MAML2: variants seen among roughly 807,000 people sequenced by gnomAD.
MAML2 encodes the protein mastermind like transcriptional coactivator 2, also known as mastermind-like protein 2.
MAML2 carries 22 observed loss-of-function variants against 96.1 expected under a neutral mutation model. The observed-to-expected ratio is 0.23, with a 90% CI of 0.16 to 0.33. MAML2 has a LOEUF of 0.33. MAML2 is among the 10% of genes least tolerant of loss of function. The probability of loss-of-function intolerance (pLI) is 1.00; values close to 1 mark genes in which losing one functional copy is unlikely to be tolerated. For missense variants in MAML2, 1,367 were observed against 1,392.4 expected, an observed-to-expected ratio of 0.98 and a Z score of 0.29; for synonymous variants, 561 against 521.3, an observed-to-expected ratio of 1.08 and a Z score of -1.04.
chr11:96,277,486 C>T (rs971060010), intron 1 of MAML2, among the ~76,000 whole-genome samples: 2 of 152,110 alleles, frequency 1.3e-5, no homozygotes, highest in African/African-American at 4.8e-5. Flanking sequence ...CGCGGTGGCT[C>T]ACGCCTGTAA....
In MAML2 at chr11:96,092,208, T is replaced by C; in HGVS notation, c.1823A>G (p.Gln608Arg). Residue 608 changes from glutamine (Q) to arginine (R), a missense_variant, in exon 2 of 5, where the codon CAG (glutamine) becomes CGG (arginine). By Grantham distance (43) the Gln-to-Arg change is conservative. Coordinates refer to ENST00000524717, the MANE Select transcript of MAML2 (RefSeq NM_032427.4). This position sits in a 1 kb window ranked among gnomAD's most constrained non-coding sequence, Gnocchi z 4.1. The part of the protein sequence containing the change: ...QQQQQQQQQQ[Q>R]QQQQQQQQQQ... ...CTGTTGCTGTTGCTGCTGCTGCTGC[T>C]GTTGCTGCTGCTGCTGCTGCTGCTG... 6.7e-7 allele frequency: 1 copy of C among 1,488,632 alleles called. No individual in the cohort carries two copies. The highest frequency in any genetic ancestry group is 8.9e-7 in the Non-Finnish European group (1 of 1,123,542). The allele number at this position is 1,488,632 out of a possible 1,614,324, so 92.2% of individuals were successfully genotyped here. A position where few individuals can be genotyped will look rare whatever the true frequency, so the allele number is the denominator to read the frequency against.
chr11:96,211,447 A>T (rs76171862), intron 1 of MAML2, among the ~76,000 whole-genome samples: 8 of 44,182 alleles, frequency 1.8e-4, no homozygotes, highest in African/African-American at 7.3e-4. Flanking sequence ...CTTTGAAATT[A>T]AAAAAAAAAA....
chr11:96,251,983 C>T (rs1345547709), intron 1 of MAML2, among the ~76,000 whole-genome samples: 3 of 152,144 alleles, frequency 2.0e-5, no homozygotes, highest in African/African-American at 4.8e-5. Flanking sequence ...CTGCCCGCCT[C>T]AGCCTCCCAA....
chr11:96,092,652 T>G lies in MAML2; in HGVS notation c.1379A>C (p.Asn460Thr), dbSNP rs1859744181. 6.2e-7 allele frequency: 1 copy of G among 1,613,682 alleles called. No individual in the cohort carries two copies. The highest frequency in any genetic ancestry group is 1.3e-5 in the African/African-American group (1 of 74,870). ...QQHQQQHQPT[N>T]WSALPSSAGP... ...AGCAGAAGAGGGCAAGGCTGACCAG[T>G]TGGTAGGCTGGTGCTGCTGCTGGTG... Residue 460 changes from asparagine to threonine, a missense_variant, in exon 2 of 5, where the codon AAC (asparagine) becomes ACC (threonine). By Grantham distance (65) the Asn-to-Thr change is moderately conservative. Coordinates refer to ENST00000524717, the MANE Select transcript of MAML2 (RefSeq NM_032427.4). This position sits in a 1 kb window ranked among gnomAD's most constrained non-coding sequence, Gnocchi z 4.1.
At position 96,091,993 on chromosome 11, in the gene MAML2, G is replaced by A; in HGVS notation, c.2038C>T (p.Leu680=). ...PAQSLPSQPL[L]RSPLPLQQKL... Reference sequence around the variant, plus strand: ...TGCTGAAGTGGCAAAGGTGACCTTAGCAAAGGCTGGCTTGGTAGAGATTGG... The same window carrying A: ...TGCTGAAGTGGCAAAGGTGACCTTAACAAAGGCTGGCTTGGTAGAGATTGG... The change falls in exon 2 of 5, where the codon CTA becomes TTA. Residue 680 remains leucine (L), a synonymous_variant. Transcript: ENST00000524717. 1 of 1,591,426 alleles carries A rather than the reference G, an allele frequency of 6.3e-7. No homozygotes were observed.
intron 1 of MAML2, among the ~76,000 whole-genome samples, chr11:96,219,109 G>T (rs1322066818): frequency 3.3e-5 from 5 of 152,164 alleles, no homozygotes; most frequent in Non-Finnish European, 7.3e-5. Context: ...CTAGACAGTG[G>T]AGATTAACCA....
chr11:96,025,589 T>C (rs558384949), intron 2 of MAML2, among the ~76,000 whole-genome samples: 16 of 152,374 alleles, frequency 1.1e-4, no homozygotes, highest in Non-Finnish European at 2.1e-4. Context: ...AGTCTCGCTC[T>C]GTCGCCCAGG....
intron 1 of MAML2, among the ~76,000 whole-genome samples, chr11:96,174,879 T>C (rs911159474): frequency 6.6e-6 from 1 of 152,262 alleles, no homozygotes; most frequent in Non-Finnish European, 1.5e-5. Flanking sequence ...ACAGTGGATC[T>C]GTTTTAAGGG....
At chr11:96,289,400 A>G (rs987473160) in intron 1 of MAML2, among the ~76,000 whole-genome samples, 2 of 152,232 alleles carry the variant, frequency 1.3e-5, no homozygotes, top group African/African-American at 4.8e-5. Flanking sequence ...CATTGCTTAG[A>G]ATCTTCGTAG....
intron 1 of MAML2, among the ~76,000 whole-genome samples, chr11:96,298,491 G>C (rs1863332871): frequency 6.6e-6 from 1 of 152,026 alleles, no homozygotes; most frequent in East Asian, 1.9e-4. Flanking sequence ...ATTCTCTGTT[G>C]GTAGGAGTTG....
At chr11:96,124,616 G>T (rs887696030) in intron 1 of MAML2, among the ~76,000 whole-genome samples, 1 of 152,222 alleles carries the variant, frequency 6.6e-6, no homozygotes, top group Non-Finnish European at 1.5e-5. Flanking sequence ...TAGACACCAG[G>T]CCTCCTTCTC....
intron 1 of MAML2, among the ~76,000 whole-genome samples, chr11:96,303,035 T>C (rs543773171): frequency 4.6e-5 from 7 of 152,212 alleles, no homozygotes; most frequent in African/African-American, 7.2e-5. Context: ...GGCACAGATA[T>C]TAGTACAGCT....
intron 2 of MAML2, among the ~76,000 whole-genome samples, chr11:96,061,366 TCTGAAGGTGA>T (rs2135778827): frequency 1.3e-5 from 2 of 152,296 alleles, no homozygotes; most frequent in South Asian, 4.1e-4. Flanking sequence ...AGTGTGTGCA[TCTGAAGGTGA>T]CTGAATGCTG....
chr11:95,983,715 T>C (rs1017711291), intron 4 of MAML2, among the ~76,000 whole-genome samples: 3 of 149,814 alleles, frequency 2.0e-5, no homozygotes, highest in Non-Finnish European at 4.4e-5. Context: ...TTAAAAATTG[T>C]AAGAAAATAG....
chr11:96,111,120 C>T (rs1220203303), intron 1 of MAML2, among the ~76,000 whole-genome samples: 1 of 152,194 alleles, frequency 6.6e-6, no homozygotes, highest in Non-Finnish European at 1.5e-5. Flanking sequence ...TCCATCTCTG[C>T]ATCAATTGAG....
chr11:96,206,190 T>C (rs979961434), intron 1 of MAML2, among the ~76,000 whole-genome samples: 7 of 152,366 alleles, frequency 4.6e-5, no homozygotes, highest in African/African-American at 1.7e-4. Flanking sequence ...GTATAGCTTA[T>C]ATGTTATCAA....
intron 1 of MAML2, among the ~76,000 whole-genome samples, chr11:96,318,105 T>G (rs1863655005): frequency 6.6e-6 from 1 of 152,196 alleles, no homozygotes. Flanking sequence ...ATAGCAACTT[T>G]TGGCAATGAG....
chr11:96,074,053 T>G (rs1307396488), intron 2 of MAML2, among the ~76,000 whole-genome samples: 1 of 152,176 alleles, frequency 6.6e-6, no homozygotes, highest in Non-Finnish European at 1.5e-5. Context: ...TTTTTTTTCA[T>G]GAAAGATGGT....
intron 1 of MAML2, among the ~76,000 whole-genome samples, chr11:96,184,259 G>A (rs1264764492): frequency 6.6e-6 from 1 of 152,164 alleles, no homozygotes; most frequent in Non-Finnish European, 1.5e-5. Context: ...TGACCATCAT[G>A]GTGAAACCCT....
Sources: allele counts gnomAD v4.1 joint callset (sites outside exome capture counted in the v4.1 genomes callset), GRCh38; gene constraint gnomAD v4.1.1; non-coding constraint Gnocchi (gnomAD v3.1); transcripts MANE v1.5; gene names NCBI Gene and HGNC (gene_info 2026-07-23, HGNC 2026-07-21).